The following TTN variants were observed in gnomAD, a reference collection of about 807,000 sequenced individuals.
TTN encodes the protein titin.
A neutral mutation model predicts 3,223.0 loss-of-function variants in TTN; 1,525 were observed. The observed-to-expected ratio is 0.47, with a 90% CI of 0.45 to 0.49. The LOEUF (loss-of-function observed/expected upper bound fraction) is 0.49. TTN is among the 20% of genes least tolerant of loss of function. The pLI is 0.00. For missense variants in TTN, 40,786 were observed against 43,424.0 expected (o/e 0.94, Z 5.40); for synonymous variants, 14,094 against 15,161.0 (o/e 0.93, Z 5.17).
Position 178,731,850 on chromosome 2 carries a change from T to A in TTN, c.17025A>T (p.Thr5675=). 6.2e-7 allele frequency: 1 copy of A among 1,613,790 alleles called. No homozygotes were observed. The highest frequency in any genetic ancestry group is 8.5e-7 in the Non-Finnish European group (1 of 1,179,744). The change falls in exon 58 of 363, where the codon ACA becomes ACT. Residue 5675 remains threonine, a synonymous_variant. Coordinates refer to ENST00000589042, the MANE Select transcript of TTN (RefSeq NM_001267550.2). ...PFEITWFKDN[T]ILRSGRKYKT... ...TATACTTTCTACCACTTCGCAGGAT[T>A]GTGTTATCTTTGAACCAAGTGATCT...
chr2:178,712,136 G>A lies in TTN; in HGVS notation c.27694C>T (p.Pro9232Ser), dbSNP rs1228009511. ...ASLQCQLAGT[P>S]EIGVSWYKGD... is the part of the protein sequence containing the mutation. ...TTATACCAGGATACCCCAATTTCAG[G>A]GGTTCCAGCAAGCTGGCATTGTAGA... The change falls in exon 96 of 363, where the codon CCT (proline) becomes TCT (serine). Residue 9232 changes from proline (P) to serine (S), a missense_variant. Transcript: ENST00000589042. The A allele has an allele frequency of 6.2e-7, 1 of 1,613,732 alleles. No individual in the cohort carries two copies. Among genetic ancestry groups the A allele is most frequent in the Non-Finnish European group, 8.5e-7 (1 of 1,179,796 alleles).
chr2:178,606,384 T>C (rs919276334), intron 278 of TTN, among the ~76,000 whole-genome samples: 96 of 151,946 alleles, frequency 6.3e-4, no homozygotes, highest in African/African-American at 2.2e-3. Context: ...TTTTTTTTTT[T>C]CAGGGGGTGA....
chr2:178,640,560 C>G lies in TTN; in HGVS notation c.40704G>C (p.Lys13568Asn). 1 of 1,602,032 alleles carries G rather than the reference C, an allele frequency of 6.2e-7. No homozygotes were observed. The highest frequency in any genetic ancestry group is 1.7e-5 in the Admixed American group (1 of 57,326). Residue 13568 changes from lysine (K) to asparagine (N), a missense_variant, in exon 221 of 363, where the codon AAG (lysine) becomes AAC (asparagine). By Grantham distance (94) the Lys-to-Asn change is moderately conservative (BLOSUM62 0). Transcript: ENST00000589042. ...EVPTVTKRER[K>N]IPEPTKVPEI... ...TTGTACCTTTTGTTGGTTCAGGAAT[C>G]TTCCTTTCCCTTTTTGTAACAGTAG... is the stretch of plus-strand genomic sequence containing the variant.
In TTN at chr2:178,702,638, G is replaced by C. The variant is rs774568048; in HGVS notation, c.30249C>G (p.Arg10083=). Residue 10083 remains arginine (R), a synonymous_variant, in exon 107 of 363, where the codon CGC becomes CGG. Transcript: ENST00000589042. ...GCTCACTCACCACGATGTTCTGTAT[G>C]CGCTTTGTAAACTGAATTGGTTCAG... ...IEAEPIQFTK[R]IQNIVVSEHQ... is the part of the protein sequence containing the mutation. The C allele has an allele frequency of 6.2e-7, 1 of 1,613,810 alleles. No homozygotes were observed. Among genetic ancestry groups the C allele is most frequent in the East Asian group, 2.2e-5 (1 of 44,886 alleles).
intron 47 of TTN, chr2:178,751,718 T>C (rs1561042044): frequency 6.2e-7 from 1 of 1,613,158 alleles, no homozygotes; most frequent in East Asian, 2.2e-5. Flanking sequence ...GCTGGAAGAG[T>C]GATGGTGTAA....
intron 115 of TTN, 110 bp downstream of exon 115, chr2:178,695,238 A>G: frequency 1.4e-6 from 1 of 737,186 alleles, no homozygotes; most frequent in Non-Finnish European, 2.2e-6. Flanking sequence ...TAAAGCTTAG[A>G]GAAGAAGTTG....
chr2:178,769,659 A>G lies in TTN; in HGVS notation c.8902+20T>C. On this transcript the variant is annotated intron_variant, in intron 37 of 362. Transcript: ENST00000589042. Reference sequence around the variant, plus strand: ...ATTTTATATATATGTGTATATATATATATATATTTTTTAACTTACGGGTGA... The same window carrying G: ...ATTTTATATATATGTGTATATATATGTATATATTTTTTAACTTACGGGTGA... 6.4e-7 allele frequency: 1 copy of G among 1,553,340 alleles called. No individual in the cohort carries two copies. The highest frequency in any genetic ancestry group is 1.7e-5 in the Admixed American group (1 of 58,756).
Position 178,672,275 on chromosome 2 carries a change from A to G in TTN, c.34931-8T>C. The G allele has an allele frequency of 6.3e-7, 1 of 1,590,796 alleles. No homozygotes were observed. Reference sequence around the variant, plus strand: ...CTTCAAGGACAGTTCTCCCTGAAAGAGCATCTATTTTAAGACTTATTTTTT... The same window carrying G: ...CTTCAAGGACAGTTCTCCCTGAAAGGGCATCTATTTTAAGACTTATTTTTT... On this transcript the variant is annotated splice_region_variant and splice_polypyrimidine_tract_variant and intron_variant, in intron 154 of 362. Transcript: ENST00000589042.
chr2:178,589,445 A>G lies in TTN; in HGVS notation c.62280T>C (p.Val20760=), dbSNP rs372065796. 493 of 1,613,246 alleles carry G rather than the reference A, an allele frequency of 3.1e-4. No individual in the cohort carries two copies. The highest frequency in any genetic ancestry group is 3.9e-4 in the Non-Finnish European group (460 of 1,179,624). ...GTTTTTGTAAGTCTTCTTTCACAAC[A>G]ACTTCCTCTGTCTTCACCCAGTCAC... The part of the protein sequence containing the change: ...GESDWVKTEE[V]VVKEDLQKPV... The change falls in exon 304 of 363, where the codon GTT becomes GTC. Residue 20760 remains valine (V), a synonymous_variant. Coordinates refer to ENST00000589042, the MANE Select transcript of TTN (RefSeq NM_001267550.2).
chr2:178,594,619 T>G lies in TTN; in HGVS notation c.57875A>C (p.Glu19292Ala), dbSNP rs1225953212. 6.2e-7 allele frequency: 1 copy of G among 1,611,250 alleles called. No individual in the cohort carries two copies. Among genetic ancestry groups the G allele is most frequent in the Admixed American group, 1.7e-5 (1 of 59,820 alleles). The change falls in exon 296 of 363, where the codon GAA (glutamate) becomes GCA (alanine). Residue 19292 changes from glutamate to alanine, a missense_variant. Glu to Ala is a moderately radical substitution (Grantham distance 107). Coordinates refer to ENST00000589042, the MANE Select transcript of TTN (RefSeq NM_001267550.2). ...ITVPERPEDLEVKEVTKNTVT... is the reference protein window; with the variant it reads ...ITVPERPEDLAVKEVTKNTVT... ...AGTATTTTTAGTAACTTCTTTGACT[T>G]CCAGGTCTTCAGGACGCTCTGGTAC...
rs1381804106 is a variant in TTN, at chr2:178,560,400, C to G, written c.85732G>C (p.Gly28578Arg). ...TLCWSRPESDGGSEISGYIIE... is the reference protein window; with the variant it reads ...TLCWSRPESDRGSEISGYIIE... The stretch of plus-strand genomic sequence containing the variant: ...ATATATCCAGATATTTCACTACCTC[C>G]ATCACTCTCGGGTCTTGACCAGCAA... The change falls in exon 326 of 363, where the codon GGA becomes CGA. Residue 28578 changes from glycine (G) to arginine (R), a missense_variant. Physicochemically the swap from Gly to Arg is moderately radical, Grantham distance 125 (BLOSUM62 -2). Transcript: ENST00000589042. 6.2e-7 allele frequency: 1 copy of G among 1,613,668 alleles called. No individual in the cohort carries two copies. The highest frequency in any genetic ancestry group is 1.1e-5 in the South Asian group (1 of 91,074).
Position 178,756,522 on chromosome 2 carries a change from C to T in TTN, c.10954G>A (p.Ala3652Thr). 1 of 1,613,514 alleles carries T rather than the reference C, an allele frequency of 6.2e-7. No homozygotes were observed. The highest frequency in any genetic ancestry group is 1.1e-5 in the South Asian group (1 of 91,048). Residue 3652 changes from alanine to threonine, a missense_variant, in exon 46 of 363, where the codon GCT becomes ACT. Physicochemically the swap from Ala to Thr is moderately conservative, Grantham distance 58. Coordinates refer to ENST00000589042, the MANE Select transcript of TTN (RefSeq NM_001267550.2). ...GGCGCCTCACCCGTGGACTCTTTAGCACATTCCTTAGATAGCTCAGTGCTT... is the reference window on the plus strand; with the variant it reads ...GGCGCCTCACCCGTGGACTCTTTAGTACATTCCTTAGATAGCTCAGTGCTT... ...AESTELSKEC[A>T]KESTGEAPKI...
chr2:178,612,996 TG>T lies in TTN; in HGVS notation c.49724del (p.Pro16575GlnfsTer17). 1 of 1,612,814 alleles carries T rather than the reference TG, an allele frequency of 6.2e-7. No homozygotes were observed. Among genetic ancestry groups the T allele is most frequent in the Non-Finnish European group, 8.5e-7 (1 of 1,179,256 alleles). On this transcript the variant is annotated frameshift_variant, in exon 265 of 363. Transcript: ENST00000589042. LOFTEE classifies it high-confidence loss of function. ...CAATCTTTGCACCTCCATCATGTTC[TG>T]GTTTTGTCCAATTCAACCTTACTGA... ...KTSVRLNWTK[P>X]EHDGGAKIES...
Position 178,551,629 on chromosome 2 carries a change from C to G in TTN, c.91270+1G>C. 6.4e-7 allele frequency: 1 copy of G among 1,567,142 alleles called. No individual in the cohort carries two copies. Among genetic ancestry groups the G allele is most frequent in the South Asian group, 1.2e-5 (1 of 82,932 alleles). On this transcript the variant is annotated splice_donor_variant, in intron 335 of 362. Transcript: ENST00000589042. LOFTEE classifies it high-confidence loss of function. ...AATGTATTTGAATAATAATCACTTACCTACTGGAGAAACAGCTAAGGTAAA... is the reference window on the plus strand; with the variant it reads ...AATGTATTTGAATAATAATCACTTAGCTACTGGAGAAACAGCTAAGGTAAA...
rs372911542 is a variant in TTN at position 178,614,676 on chromosome 2, C to T, written c.48838G>A (p.Ala16280Thr). Residue 16280 changes from alanine (A) to threonine (T), a missense_variant, in exon 261 of 363, where the codon GCC becomes ACC. Physicochemically the swap from Ala to Thr is moderately conservative, Grantham distance 58. Transcript: ENST00000589042. The stretch of plus-strand genomic sequence containing the variant: ...GGTTCAGGTTTTCCGGTTACGGTGG[C>T]AGGAAGTTCAATCTTGGTCCCAGCT... ...VKAGTKIELPATVTGKPEPKI... is the reference protein window; with the variant it reads ...VKAGTKIELPTTVTGKPEPKI... 57 of 1,612,124 alleles carry T rather than the reference C, an allele frequency of 3.5e-5. No individual in the cohort carries two copies. The highest frequency in any genetic ancestry group is 3.3e-4 in the Middle Eastern group (2 of 6,068).
In TTN at chr2:178,689,385, G is replaced by A. The variant is rs1485950593; in HGVS notation, c.31928-12C>T. 16 of 1,613,102 alleles carry A rather than the reference G, an allele frequency of 9.9e-6. No homozygotes were observed. The highest frequency in any genetic ancestry group is 1.3e-5 in the Non-Finnish European group (15 of 1,179,602). On this transcript the variant is annotated splice_polypyrimidine_tract_variant and intron_variant, in intron 123 of 362. Coordinates refer to ENST00000589042, the MANE Select transcript of TTN (RefSeq NM_001267550.2). ...TGGTATTTCTGGCACTTAAAGGATA[G>A]TATTGAATTTTAAAATTTGTCAAAA...
At position 178,564,958 on chromosome 2, in the gene TTN, T is replaced by TGGGGCACTTTTTCCATACCTGTTTTCAGC; in HGVS notation, c.81145_81173dup (p.Asp27060LysfsTer32). Reference sequence around the variant, plus strand: ...GTACAATAACTGCCTTAGAATCCAGTGGGGCACTTTTTCCATACCTGTTTT... The same window carrying TGGGGCACTTTTTCCATACCTGTTTTCAGC: ...GTACAATAACTGCCTTAGAATCCAGTGGGGCACTTTTTCCATACCTGTTTTCAGCGGGGCACTTTTTCCATACCTGTTTT... On this transcript the variant is annotated frameshift_variant, in exon 326 of 363. Transcript: ENST00000589042. LOFTEE classifies it high-confidence loss of function. 6.2e-7 allele frequency: 1 copy of TGGGGCACTTTTTCCATACCTGTTTTCAGC among 1,612,208 alleles called. No homozygotes were observed. The highest frequency in any genetic ancestry group is 8.5e-7 in the Non-Finnish European group (1 of 1,179,096).
At chr2:178,760,848 GGT>G (rs3045724) in intron 43 of TTN, 81,811 of 145,404 alleles carry the variant, frequency 0.56, 25,510 homozygotes, top group Non-Finnish European at 0.73. Flanking sequence ...TGTGTGAAGG[GGT>G]GTGTGTGTGT....
rs757735428 is a variant in TTN, at chr2:178,649,839, T to G, written c.39873A>C (p.Lys13291Asn). ...TACCTTTAGGAGGCGGTGCTTCTGG[T>G]TTTTTGATGACAGGAACTTTCTTCT... is the stretch of plus-strand genomic sequence containing the variant. ...IPEKKVPVIKKPEAPPPKEPE... is the reference protein window; with the variant it reads ...IPEKKVPVIKNPEAPPPKEPE... The change falls in exon 211 of 363, where the codon AAA becomes AAC. Residue 13291 changes from lysine (K) to asparagine (N), a missense_variant. Coordinates refer to ENST00000589042, the MANE Select transcript of TTN (RefSeq NM_001267550.2). The G allele has an allele frequency of 6.2e-7, 1 of 1,612,376 alleles. No homozygotes were observed.
Sources: allele counts gnomAD v4.1 joint callset (sites outside exome capture counted in the v4.1 genomes callset), GRCh38; gene constraint gnomAD v4.1.1; transcripts MANE v1.5; gene names NCBI Gene and HGNC (gene_info 2026-07-23, HGNC 2026-07-21).